RNLS: variants seen among roughly 807,000 people sequenced by gnomAD.
The protein encoded by RNLS is renalase, FAD dependent amine oxidase.
A neutral mutation model predicts 39.8 loss-of-function variants in RNLS; 39 were observed. The ratio of observed to expected loss-of-function variants is 0.98; its 90% confidence interval spans 0.76 to 1.28. The LOEUF is 1.28. Ranked by LOEUF, RNLS falls within the 50% of genes most tolerant of loss-of-function variation. The pLI is 0.00. For synonymous variants in RNLS, 147 were observed against 150.7 expected, an observed-to-expected ratio of 0.98 and a Z score of 0.18; for missense variants, 410 against 413.3, an observed-to-expected ratio of 0.99 and a Z score of 0.07.
chr10:88,500,989 GTA>G (rs960478560), intron 4 of RNLS, among the ~76,000 whole-genome samples: 19 of 147,724 alleles, frequency 1.3e-4, no homozygotes, highest in Admixed American at 4.9e-4. Flanking sequence ...ATATATTTAT[GTA>G]TATATATGTG....
intron 4 of RNLS, among the ~76,000 whole-genome samples, chr10:88,430,395 T>A (rs1308098065): frequency 6.6e-6 from 1 of 151,872 alleles, no homozygotes; most frequent in Non-Finnish European, 1.5e-5. Flanking sequence ...CTTTTGTGGA[T>A]TTCACTGAAT....
chr10:88,453,706 G>A (rs549054534), intron 4 of RNLS, among the ~76,000 whole-genome samples: 36 of 152,244 alleles, frequency 2.4e-4, no homozygotes, highest in African/African-American at 7.0e-4. Flanking sequence ...TTCTACTCTC[G>A]TAACAAAGCT....
At chr10:88,325,788 A>T (rs1846556357) in intron 5 of RNLS, among the ~76,000 whole-genome samples, 1 of 152,160 alleles carries the variant, frequency 6.6e-6, no homozygotes, top group Non-Finnish European at 1.5e-5. Flanking sequence ...CTCATCTTGA[A>T]TTGTAATCCC....
chr10:88,415,390 T>C (rs1408877921), intron 4 of RNLS, among the ~76,000 whole-genome samples: 1 of 152,174 alleles, frequency 6.6e-6, no homozygotes, highest in Non-Finnish European at 1.5e-5. Flanking sequence ...TTATTAATTT[T>C]GACTGAATTG....
At chr10:88,504,842 A>AGTGTGTGT (rs147390554) in intron 4 of RNLS, among the ~76,000 whole-genome samples, 2,251 of 106,740 alleles carry the variant, frequency 0.021, 27 homozygotes, top group Non-Finnish European at 0.023. Context: ...AGAGAGAGAC[A>AGTGTGTGT]GAGTGTGTGT....
chr10:88,336,069 G>T (rs1847471052), intron 5 of RNLS, among the ~76,000 whole-genome samples: 1 of 152,066 alleles, frequency 6.6e-6, no homozygotes, highest in Admixed American at 6.5e-5. Flanking sequence ...AACACGGCAG[G>T]GTCAGCAGTA....
Position 88,580,944 on chromosome 10 carries a change from G to A in RNLS, c.367+623C>T, listed in dbSNP as rs1850498624. ...TAAGTTAAAAATGCAAATATCGTTT[G>A]ACATAGCTATTCTTCTGTGAGGAAT... On this transcript the variant is annotated intron_variant, in intron 3 of 6. Coordinates refer to ENST00000331772, the MANE Select transcript of RNLS (RefSeq NM_001031709.3). Among the ~76,000 whole-genome samples, 3 of 152,040 alleles carry A rather than the reference G, an allele frequency of 2.0e-5. No individual in the cohort carries two copies. In the South Asian group the frequency reaches 6.2e-4, roughly 32 times the overall value.
At chr10:88,518,679 G>GA (rs942811959) in intron 4 of RNLS, among the ~76,000 whole-genome samples, 4 of 151,806 alleles carry the variant, frequency 2.6e-5, no homozygotes, top group African/African-American at 4.8e-5. Flanking sequence ...ACTTGTTTTG[G>GA]AAAAAAATCA....
At chr10:88,306,890 C>T (rs969209125) in intron 6 of RNLS, among the ~76,000 whole-genome samples, 2 of 152,132 alleles carry the variant, frequency 1.3e-5, no homozygotes, top group African/African-American at 4.8e-5. Flanking sequence ...AAACTTCAGG[C>T]CAATATCCTT....
chr10:88,356,917 C>T (rs1421088442), intron 5 of RNLS, among the ~76,000 whole-genome samples: 1 of 152,184 alleles, frequency 6.6e-6, no homozygotes, highest in East Asian at 1.9e-4. Context: ...ATCATTAACA[C>T]TCCTCAGATG....
At chr10:88,416,943 A>T (rs1221067755) in intron 4 of RNLS, among the ~76,000 whole-genome samples, 4 of 152,222 alleles carry the variant, frequency 2.6e-5, no homozygotes, top group Non-Finnish European at 4.4e-5. Context: ...ATCTTAAAAA[A>T]GTTTATGTTT....
At chr10:88,383,869 T>C (rs1851696893) in intron 4 of RNLS, among the ~76,000 whole-genome samples, 1 of 152,144 alleles carries the variant, frequency 6.6e-6, no homozygotes, top group African/African-American at 2.4e-5. Flanking sequence ...TCATTATGAA[T>C]CAGCATTAAC....
At chr10:88,243,221 T>C in the RNLS span, among the ~76,000 whole-genome samples, 4 of 152,222 alleles carry the variant, frequency 2.6e-5, no homozygotes, top group African/African-American at 7.2e-5. Context: ...TATGCCTACT[T>C]TGCAGATGAT....
intron 4 of RNLS, among the ~76,000 whole-genome samples, chr10:88,480,480 G>T (rs1844093691): frequency 6.6e-6 from 1 of 152,216 alleles, no homozygotes; most frequent in Non-Finnish European, 1.5e-5. Flanking sequence ...GGAGTGCAAT[G>T]GTGCAACCTT....
intron 4 of RNLS, among the ~76,000 whole-genome samples, chr10:88,536,438 A>T (rs1847761920): frequency 6.6e-6 from 1 of 152,164 alleles, no homozygotes; most frequent in South Asian, 2.1e-4. Flanking sequence ...TATTCTCCAC[A>T]TAGCAGTCAG....
chr10:88,286,254 A>T (rs907343551), intron 6 of RNLS, among the ~76,000 whole-genome samples: 7 of 152,010 alleles, frequency 4.6e-5, no homozygotes, highest in African/African-American at 1.4e-4. Flanking sequence ...GGAGCAGGAG[A>T]ATTTTAAAAT....
At chr10:88,365,970 A>T (rs1230375756) in intron 4 of RNLS, among the ~76,000 whole-genome samples, 4 of 152,158 alleles carry the variant, frequency 2.6e-5, no homozygotes, top group African/African-American at 9.6e-5. Context: ...GTGACAATCA[A>T]ATCAATCTAT....
At chr10:88,291,298 T>C (rs1406118032) in intron 6 of RNLS, among the ~76,000 whole-genome samples, 5 of 152,188 alleles carry the variant, frequency 3.3e-5, no homozygotes, top group Non-Finnish European at 5.9e-5. Context: ...CTCCACTTTC[T>C]CAGCTCACCC....
At chr10:88,175,015 A>T in the RNLS span, among the ~76,000 whole-genome samples, 1 of 151,894 alleles carries the variant, frequency 6.6e-6, no homozygotes. Context: ...ATGTTTATTC[A>T]TTTTCTCCAG....
Sources: gnomAD v4.1 joint callset for allele counts (sites outside exome capture counted in the v4.1 genomes callset) on GRCh38, gnomAD v4.1.1 for gene constraint, MANE v1.5 for transcripts, NCBI Gene and HGNC (gene_info 2026-07-23, HGNC 2026-07-21) for gene names.